Variants in LRRC1 observed in about 807,000 individuals in gnomAD.
The protein encoded by LRRC1 is leucine rich repeat containing 1, also known as leucine-rich repeat-containing protein 1.
LRRC1 carries 28 observed loss-of-function variants against 69.9 expected under a neutral mutation model. That is an observed-to-expected ratio of 0.40 (90% CI 0.30 to 0.55). The LOEUF is 0.55. Among genes scored for constraint, LRRC1 ranks in the 20% least tolerant of loss-of-function variants. LRRC1 has a pLI of 0.47. For missense variants in LRRC1, 498 were observed against 609.0 expected, an observed-to-expected ratio of 0.82 and a Z score of 1.92; for synonymous variants, 236 against 240.2, an observed-to-expected ratio of 0.98 and a Z score of 0.16.
chr6:53,834,006 C>T (rs995854129), intron 1 of LRRC1, among the ~76,000 whole-genome samples: 2 of 152,194 alleles, frequency 1.3e-5, no homozygotes, highest in Non-Finnish European at 2.9e-5. Flanking sequence ...ACAGTGTCAT[C>T]CTTTTGAGTT....
chr6:53,890,930 G>A (rs546810347), intron 4 of LRRC1, among the ~76,000 whole-genome samples: 1 of 151,960 alleles, frequency 6.6e-6, no homozygotes, highest in African/African-American at 2.4e-5. Context: ...GATTTTGGCC[G>A]CTAAAATGGA....
chr6:53,914,046 T>G lies in LRRC1; in HGVS notation c.1106+77T>G, dbSNP rs377232233. ...CCAATCTTGGCAGTGCATCTTCAAA[T>G]TTTTGTCTTTGCTTTATCTTACAGA... On this transcript the variant is annotated intron_variant, in intron 11 of 13. Transcript: ENST00000370888. The G allele has an allele frequency of 2.0e-5, 20 of 998,960 alleles. No individual in the cohort carries two copies. In the African/African-American group the frequency reaches 3.2e-4, roughly 16 times the overall value. The allele number at this position is 998,960 out of a possible 1,614,324, so 61.9% of individuals were successfully genotyped here.
In LRRC1 at chr6:53,897,339, C is replaced by T. The variant is rs757372483; in HGVS notation, c.622C>T (p.Gln208Ter). The change falls in exon 7 of 14, where the codon CAA becomes TAA. Residue 208 changes from glutamine to a stop codon, truncating the protein, a stop_gained. Transcript: ENST00000370888. LOFTEE classifies it high-confidence loss of function. ...HLKDLWLDGN[Q>*]LSELPQEIGN... ...AAAAGATCTCTGGTTGGATGGAAAT[C>T]AACTGTCAGAATTACCTCAGGTAAG... The T allele has an allele frequency of 6.2e-7, 1 of 1,611,710 alleles. No homozygotes were observed. The highest frequency in any genetic ancestry group is 1.7e-5 in the Admixed American group (1 of 59,990).
chr6:53,866,722 ACT>A (rs1173052341), intron 2 of LRRC1, among the ~76,000 whole-genome samples: 4 of 152,172 alleles, frequency 2.6e-5, no homozygotes, highest in Non-Finnish European at 1.5e-5. Flanking sequence ...GTACTGAAAT[ACT>A]GTTTGTAATC....
At chr6:53,898,437 C>T (rs1475404883) in intron 7 of LRRC1, among the ~76,000 whole-genome samples, 3 of 152,052 alleles carry the variant, frequency 2.0e-5, no homozygotes, top group African/African-American at 7.2e-5. Flanking sequence ...ATCTGTAGGA[C>T]ATAAAGGGGA....
intron 8 of LRRC1, among the ~76,000 whole-genome samples, chr6:53,900,237 C>T (rs1225244839): frequency 1.3e-5 from 2 of 151,932 alleles, no homozygotes; most frequent in African/African-American, 2.4e-5. Context: ...CGGGGTTTCA[C>T]CCTGTTAGCC....
intron 2 of LRRC1, among the ~76,000 whole-genome samples, chr6:53,863,095 ACAGC>A (rs1766584703): frequency 6.6e-6 from 1 of 152,248 alleles, no homozygotes; most frequent in Non-Finnish European, 1.5e-5. Context: ...GTATTTTACT[ACAGC>A]CTGTCAGCAT....
intron 2 of LRRC1, among the ~76,000 whole-genome samples, chr6:53,874,214 G>T (rs1342058017): frequency 6.6e-6 from 1 of 152,116 alleles, no homozygotes; most frequent in Non-Finnish European, 1.5e-5. Flanking sequence ...TTTGTATAAT[G>T]AAAGTTAAAA....
intron 3 of LRRC1, among the ~76,000 whole-genome samples, chr6:53,879,564 C>T (rs1488530458): frequency 6.6e-6 from 1 of 152,008 alleles, no homozygotes; most frequent in Non-Finnish European, 1.5e-5. Flanking sequence ...GATTACAGGC[C>T]GGAGCCACCT....
At chr6:53,799,537 G>A (rs148355594) in intron 1 of LRRC1, among the ~76,000 whole-genome samples, 134 of 152,264 alleles carry the variant, frequency 8.8e-4, no homozygotes, top group Middle Eastern at 3.4e-3. Context: ...TTCAGAATCC[G>A]GTGTCCTTGT....
At chr6:53,811,051 C>T (rs1764779291) in intron 1 of LRRC1, among the ~76,000 whole-genome samples, 3 of 152,066 alleles carry the variant, frequency 2.0e-5, no homozygotes, top group Admixed American at 1.3e-4. Context: ...AAATTCAGTG[C>T]GTTAATCACA....
chr6:53,811,014 T>A (rs1764778030), intron 1 of LRRC1, among the ~76,000 whole-genome samples: 3 of 152,336 alleles, frequency 2.0e-5, no homozygotes, highest in Admixed American at 2.0e-4. Context: ...AGGGACTTAC[T>A]TATGTGTTTC....
chr6:53,902,699 G>A lies in LRRC1; in HGVS notation c.858G>A (p.Gly286=). 1 of 1,613,408 alleles carries A rather than the reference G, an allele frequency of 6.2e-7. No individual in the cohort carries two copies. Among genetic ancestry groups the A allele is most frequent in the Non-Finnish European group, 8.5e-7 (1 of 1,179,670 alleles). The change falls in exon 9 of 14, where the codon GGG becomes GGA. Residue 286 remains glycine, a synonymous_variant. Transcript: ENST00000370888. ...TCACACAGTTGCCTGAAGCAGTTGG[G>A]GAATGTGAAAGTCTCACTGAGTTAG... ...NRLTQLPEAV[G]ECESLTELVL... is the part of the protein sequence containing the mutation.
Position 53,920,752 on chromosome 6 carries a change from C to A in LRRC1, c.1407C>A (p.Asp469Glu), listed in dbSNP as rs1305273699. Reference sequence around the variant, plus strand: ...TGGAGGATGAGAAAGATGAAGAAGACAATGAGACGGTATGGAAATGCAGAT... The same window carrying A: ...TGGAGGATGAGAAAGATGAAGAAGAAAATGAGACGGTATGGAAATGCAGAT... ...RFVEDEKDEE[D>E]NETRTLLRRA... Residue 469 changes from aspartate (D) to glutamate (E), a missense_variant, in exon 13 of 14, where the codon GAC becomes GAA. Asp to Glu is a conservative substitution (Grantham distance 45). Around this residue, in one of 3 missense-constraint regions of LRRC1, gnomAD observed 162 missense variants for 162.9 expected, o/e 0.99. Transcript: ENST00000370888. 1.9e-6 allele frequency: 3 copies of A among 1,613,978 alleles called. No homozygotes were observed. The highest frequency in any genetic ancestry group is 1.6e-4 in the Middle Eastern group (1 of 6,084).
chr6:53,900,063 A>G (rs1194231311), intron 8 of LRRC1, among the ~76,000 whole-genome samples, 172 bp downstream of exon 8: 8 of 103,684 alleles, frequency 7.7e-5, no homozygotes, highest in East Asian at 3.2e-4. Flanking sequence ...TCTGAGATGG[A>G]GTCTCGCTCT....
chr6:53,868,180 T>A (rs1300297774), intron 2 of LRRC1, among the ~76,000 whole-genome samples: 7 of 151,902 alleles, frequency 4.6e-5, no homozygotes, highest in Admixed American at 4.6e-4. Flanking sequence ...TAGTTAAAAC[T>A]AGCAAAAACC....
At chr6:53,897,391 A>G (rs762308152) in intron 7 of LRRC1, 32 bp downstream of exon 7, 75 of 1,436,502 alleles carry the variant, frequency 5.2e-5, no homozygotes, top group Non-Finnish European at 7.0e-5. Flanking sequence ...TCTCCCCAAA[A>G]CATAAAACAG....
At chr6:53,918,451 C>T (rs967876681) in intron 11 of LRRC1, among the ~76,000 whole-genome samples, 1 of 152,156 alleles carries the variant, frequency 6.6e-6, no homozygotes. Context: ...TCCATGCACT[C>T]TTTGATTTTT....
intron 1 of LRRC1, among the ~76,000 whole-genome samples, chr6:53,809,472 G>A (rs184013198): frequency 2.0e-5 from 3 of 152,238 alleles, no homozygotes; most frequent in African/African-American, 7.2e-5. Context: ...AATTGCATGG[G>A]GACAGGAGCA....
Sources: gnomAD v4.1 joint callset for allele counts (sites outside exome capture counted in the v4.1 genomes callset) on GRCh38, gnomAD v4.1.1 for gene constraint, gnomAD v4.1.1 regional missense constraint, MANE v1.5 for transcripts, NCBI Gene and HGNC (gene_info 2026-07-23, HGNC 2026-07-21) for gene names.